SGCZ: variants seen among roughly 807,000 people sequenced by gnomAD.
SGCZ encodes sarcoglycan zeta.
In SGCZ, 40 loss-of-function variants were observed where a neutral mutation model predicts 41.3. The ratio of observed to expected loss-of-function variants is 0.97; its 90% CI spans 0.75 to 1.26. SGCZ has a LOEUF of 1.26. Ranked by LOEUF, SGCZ falls within the 50% of genes most tolerant of loss-of-function variation. SGCZ has a pLI of 0.00. For synonymous variants in SGCZ, 206 were observed against 137.5 expected, an observed-to-expected ratio of 1.50 and a Z score of -3.49; for missense variants, 552 against 369.8, an observed-to-expected ratio of 1.49 and a Z score of -4.04.
intron 2 of SGCZ, among the ~76,000 whole-genome samples, chr8:14,402,036 C>T (rs1393841812): frequency 6.6e-6 from 1 of 152,110 alleles, no homozygotes; most frequent in African/African-American, 2.4e-5. Context: ...CTCTGATGGC[C>T]ATGGATGATG....
At chr8:14,671,557 T>C (rs1449526927) in intron 1 of SGCZ, among the ~76,000 whole-genome samples, 3 of 152,180 alleles carry the variant, frequency 2.0e-5, no homozygotes, top group Non-Finnish European at 4.4e-5. Context: ...AACTCTGTAC[T>C]GCAAACTTTA....
At chr8:14,198,558 A>C (rs1454086365) in intron 4 of SGCZ, among the ~76,000 whole-genome samples, 1 of 151,948 alleles carries the variant, frequency 6.6e-6, no homozygotes, top group Admixed American at 6.6e-5. Flanking sequence ...TATACCTCAG[A>C]AACAAATTGC....
intron 5 of SGCZ, among the ~76,000 whole-genome samples, chr8:14,150,406 C>T (rs2116949717): frequency 6.6e-6 from 1 of 152,138 alleles, no homozygotes; most frequent in South Asian, 2.1e-4. Flanking sequence ...ACACACATGG[C>T]AAACAGGCAT....
chr8:14,121,717 G>C (rs772420845), intron 5 of SGCZ, among the ~76,000 whole-genome samples: 2 of 152,028 alleles, frequency 1.3e-5, no homozygotes, highest in Non-Finnish European at 2.9e-5. Context: ...ACATTAAAGA[G>C]GACATATAAT....
At chr8:14,697,067 T>C (rs528434345) in intron 1 of SGCZ, among the ~76,000 whole-genome samples, 4 of 152,144 alleles carry the variant, frequency 2.6e-5, no homozygotes, top group South Asian at 2.1e-4. Context: ...CAATATTCTA[T>C]AGCCAGCAAC....
At chr8:14,390,222 A>G (rs1256844692) in intron 2 of SGCZ, among the ~76,000 whole-genome samples, 1 of 151,982 alleles carries the variant, frequency 6.6e-6, no homozygotes, top group Non-Finnish European at 1.5e-5. Flanking sequence ...GCAATAAGTA[A>G]TAATCATCCT....
chr8:14,674,602 C>G (rs899583124), intron 1 of SGCZ, among the ~76,000 whole-genome samples: 5 of 152,110 alleles, frequency 3.3e-5, no homozygotes, highest in Admixed American at 1.3e-4. Context: ...CTTTCCCACC[C>G]AAATTTCATG....
intron 1 of SGCZ, among the ~76,000 whole-genome samples, chr8:14,616,010 G>T (rs184996784): frequency 5.3e-5 from 8 of 152,124 alleles, no homozygotes; most frequent in Non-Finnish European, 1.2e-4. Context: ...TGGGCTGGGC[G>T]CAGTGGCTCA....
intron 1 of SGCZ, among the ~76,000 whole-genome samples, chr8:14,821,155 T>C (rs1391840537): frequency 1.3e-5 from 2 of 151,860 alleles, no homozygotes; most frequent in Admixed American, 1.3e-4. Context: ...GTCACAGAAA[T>C]ACAAAGGCTG....
chr8:14,546,939 A>T (rs924282338), intron 2 of SGCZ, among the ~76,000 whole-genome samples: 2 of 152,048 alleles, frequency 1.3e-5, no homozygotes, highest in East Asian at 3.9e-4. Flanking sequence ...CTGCCTTTTC[A>T]TCTGCCAGAG....
chr8:14,525,419 G>A (rs1168577440), intron 2 of SGCZ, among the ~76,000 whole-genome samples: 3 of 151,968 alleles, frequency 2.0e-5, no homozygotes, highest in African/African-American at 7.2e-5. Flanking sequence ...TTTTAAAAAA[G>A]ATTATTATGT....
At chr8:14,730,599 C>A (rs1053321231) in intron 1 of SGCZ, among the ~76,000 whole-genome samples, 1 of 148,852 alleles carries the variant, frequency 6.7e-6, no homozygotes, top group African/African-American at 2.5e-5. Context: ...GATCTGCTAA[C>A]ATCAGGTTCT....
intron 1 of SGCZ, among the ~76,000 whole-genome samples, chr8:15,097,863 T>TATATATATATATATATTC: frequency 4.4e-5 from 1 of 22,808 alleles, no homozygotes; most frequent in East Asian, 1.3e-3. Context: ...TATACGTGTG[T>TATATATATATATATATTC]GTGTATATAT....
chr8:14,551,484 ATATAT>A (rs1365468941), intron 2 of SGCZ, among the ~76,000 whole-genome samples: 227 of 4,674 alleles, frequency 0.049, 19 homozygotes, highest in African/African-American at 0.11. Context: ...TATATATTAT[ATATAT>A]TATATATATT....
At chr8:14,843,020 C>G (rs1427286670) in intron 1 of SGCZ, among the ~76,000 whole-genome samples, 1 of 152,194 alleles carries the variant, frequency 6.6e-6, no homozygotes. Context: ...TGAGACCAGC[C>G]TGGCCAAAGT....
At chr8:14,506,822 G>T (rs910373571) in intron 2 of SGCZ, among the ~76,000 whole-genome samples, 25 of 152,032 alleles carry the variant, frequency 1.6e-4, no homozygotes, top group African/African-American at 5.6e-4. Flanking sequence ...TTGACTTCAG[G>T]CAGCCCACAT....
intron 1 of SGCZ, among the ~76,000 whole-genome samples, chr8:14,806,578 G>A (rs1464366622): frequency 6.6e-6 from 1 of 152,156 alleles, no homozygotes; most frequent in Non-Finnish European, 1.5e-5. Context: ...CTGAAAATGT[G>A]GCAATAATCA....
intron 1 of SGCZ, among the ~76,000 whole-genome samples, chr8:14,918,446 T>C (rs1180506606): frequency 1.3e-5 from 2 of 152,136 alleles, no homozygotes; most frequent in Non-Finnish European, 2.9e-5. Context: ...ATTTCGGTTT[T>C]AAACAAATTT....
intron 3 of SGCZ, among the ~76,000 whole-genome samples, chr8:14,273,798 T>A (rs1166977886): frequency 6.6e-6 from 1 of 152,258 alleles, no homozygotes; most frequent in East Asian, 1.9e-4. Context: ...CGTAATAGCC[T>A]CTCGAGAGAT....
Sources: allele counts gnomAD v4.1 joint callset (sites outside exome capture counted in the v4.1 genomes callset), GRCh38; gene constraint gnomAD v4.1.1; transcripts MANE v1.5; gene names NCBI Gene and HGNC (gene_info 2026-07-23, HGNC 2026-07-21).